SH3GL2: variants seen among roughly 807,000 people sequenced by gnomAD.
The protein encoded by SH3GL2 is SH3 domain containing GRB2 like 2, endophilin A1, also known as endophilin-A1.
In SH3GL2, 24 loss-of-function variants were observed where a neutral mutation model predicts 46.0. That is an observed-to-expected ratio of 0.52 (90% confidence interval 0.38 to 0.73). The LOEUF is 0.73. Ranked by LOEUF, SH3GL2 falls within the 30% of genes least tolerant of loss-of-function variation. SH3GL2 has a pLI of 0.00. For missense variants in SH3GL2, 413 were observed against 424.2 expected (o/e 0.97, Z 0.23); for synonymous variants, 196 against 147.1 (o/e 1.33, Z -2.40).
rs370413494 is a variant in SH3GL2 at position 17,741,859 on chromosome 9, C to T, written c.46-5207C>T. Among the ~76,000 whole-genome samples the T allele has an allele frequency of 9.6e-4, 146 of 152,100 alleles. 1 individual carries two copies. In the South Asian group the frequency reaches 0.029, roughly 30 times the overall value. On this transcript the variant is annotated intron_variant, in intron 1 of 8. Transcript: ENST00000380607. ...AACAGATGATGTCTCATTAAGAGTA[C>T]AGAGGAAGTCTGATAACTTCCAGCT...
At chr9:17,752,942 T>C (rs906723685) in intron 2 of SH3GL2, among the ~76,000 whole-genome samples, 6 of 152,306 alleles carry the variant, frequency 3.9e-5, no homozygotes, top group South Asian at 2.1e-4. Flanking sequence ...GTCCCACTTA[T>C]AAGTGAGAAC....
intron 1 of SH3GL2, among the ~76,000 whole-genome samples, chr9:17,685,117 A>G (rs1382936817): frequency 6.6e-6 from 1 of 152,092 alleles, no homozygotes; most frequent in Non-Finnish European, 1.5e-5. Flanking sequence ...AACCAGTGGA[A>G]TGGACAGGTG....
At position 17,715,502 on chromosome 9, in the gene SH3GL2, T is replaced by C. The variant is rs377344686; in HGVS notation, c.46-31564T>C. ...ATATCTCACTGATTATTTTCTTTCT[T>C]TTTTTGATTCATTTTCTCCATGTGT... On this transcript the variant is annotated intron_variant, in intron 1 of 8. Transcript: ENST00000380607. Among the ~76,000 whole-genome samples the C allele has an allele frequency of 7.2e-5, 11 of 152,034 alleles. No homozygotes were observed. The East Asian group carries it at 1.7e-3, about 24-fold the overall frequency.
At chr9:17,680,787 A>G (rs2118040727) in intron 1 of SH3GL2, among the ~76,000 whole-genome samples, 1 of 151,778 alleles carries the variant, frequency 6.6e-6, no homozygotes, top group Middle Eastern at 3.4e-3. Context: ...ATTTCCCTGT[A>G]CACACTGCTT....
At chr9:17,774,728 C>G (rs145803989) in intron 3 of SH3GL2, among the ~76,000 whole-genome samples, 1 of 152,148 alleles carries the variant, frequency 6.6e-6, no homozygotes, top group Non-Finnish European at 1.5e-5. Flanking sequence ...CAACAATGAT[C>G]GTAAGAGATA....
intron 1 of SH3GL2, among the ~76,000 whole-genome samples, chr9:17,625,914 C>T (rs1370068406): frequency 6.6e-6 from 1 of 152,224 alleles, no homozygotes; most frequent in Non-Finnish European, 1.5e-5. Flanking sequence ...ATGCTTACCT[C>T]AAGGCAATTA....
At chr9:17,733,043 T>C (rs897658300) in intron 1 of SH3GL2, among the ~76,000 whole-genome samples, 4 of 152,082 alleles carry the variant, frequency 2.6e-5, no homozygotes, top group Admixed American at 2.6e-4. Context: ...TTCCCCACTC[T>C]TCAGCACAAG....
chr9:17,646,948 G>A (rs1563796354), intron 1 of SH3GL2, among the ~76,000 whole-genome samples: 2 of 152,164 alleles, frequency 1.3e-5, no homozygotes, highest in Admixed American at 6.5e-5. Context: ...AGGCAGAGAC[G>A]TTTAAAACTG....
intron 1 of SH3GL2, among the ~76,000 whole-genome samples, chr9:17,683,838 G>A (rs1055976359): frequency 1.3e-5 from 2 of 152,170 alleles, no homozygotes; most frequent in Admixed American, 1.3e-4. Flanking sequence ...GAAGAACAGG[G>A]TGACGCCAAG....
At chr9:17,740,852 A>T (rs994962096) in intron 1 of SH3GL2, among the ~76,000 whole-genome samples, 6 of 152,154 alleles carry the variant, frequency 3.9e-5, no homozygotes, top group Non-Finnish European at 7.4e-5. Flanking sequence ...CTAAAAACAG[A>T]TCTAGTGTTA....
At chr9:17,794,085 C>T (rs1349878520) in intron 8 of SH3GL2, among the ~76,000 whole-genome samples, 1 of 152,202 alleles carries the variant, frequency 6.6e-6, no homozygotes, top group East Asian at 1.9e-4. Flanking sequence ...CATGCTGTGG[C>T]ACTGGGGTTG....
intron 1 of SH3GL2, among the ~76,000 whole-genome samples, chr9:17,741,854 G>C (rs1300281955): frequency 1.3e-5 from 2 of 152,126 alleles, no homozygotes; most frequent in Non-Finnish European, 2.9e-5. Context: ...GTCTCATTAA[G>C]AGTACAGAGG....
At chr9:17,641,261 T>A (rs576102988) in intron 1 of SH3GL2, among the ~76,000 whole-genome samples, 11 of 152,230 alleles carry the variant, frequency 7.2e-5, no homozygotes, top group African/African-American at 2.6e-4. Flanking sequence ...TCAGTTACCA[T>A]CTCCTCACTA....
In SH3GL2 at chr9:17,589,489, C is replaced by G. The variant is rs1198380740; in HGVS notation, c.45+10202C>G. The G allele has an allele frequency of 2.0e-5, 3 of 152,120 alleles. No individual in the cohort carries two copies. In the East Asian group the frequency reaches 5.8e-4, roughly 29 times the overall value. 9.4% of individuals were successfully genotyped at this position (152,120 alleles called of 1,614,324 possible). A position where few individuals can be genotyped will look rare whatever the true frequency, so the allele number is the denominator to read the frequency against. On this transcript the variant is annotated intron_variant, in intron 1 of 8. Coordinates refer to ENST00000380607, the MANE Select transcript of SH3GL2 (RefSeq NM_003026.5). ...GTGGCACCGTTAAGTACTTGCTGAG[C>G]AGTACCTTAGCCTGGTGGGCTGGTG...
intron 2 of SH3GL2, among the ~76,000 whole-genome samples, chr9:17,758,359 G>A (rs1270627354): frequency 2.6e-5 from 4 of 151,730 alleles, no homozygotes; most frequent in Non-Finnish European, 2.9e-5. Flanking sequence ...CCAGGAGTTC[G>A]AGACCAGCCT....
chr9:17,700,521 T>C (rs902677862), intron 1 of SH3GL2, among the ~76,000 whole-genome samples: 1 of 152,236 alleles, frequency 6.6e-6, no homozygotes, highest in Non-Finnish European at 1.5e-5. Context: ...CTGGAACTAA[T>C]TGCTGAATAT....
At chr9:17,713,766 T>C (rs1345640409) in intron 1 of SH3GL2, among the ~76,000 whole-genome samples, 1 of 151,744 alleles carries the variant, frequency 6.6e-6, no homozygotes, top group Non-Finnish European at 1.5e-5. Context: ...TTGAATCCTT[T>C]TAAATGTATT....
intron 1 of SH3GL2, among the ~76,000 whole-genome samples, chr9:17,665,217 A>G (rs944319495): frequency 1.3e-5 from 2 of 152,206 alleles, no homozygotes; most frequent in Non-Finnish European, 2.9e-5. Flanking sequence ...ACCATAGTAC[A>G]GTGATAAGAA....
chr9:17,614,295 G>GAAAAAAAAAAAAAAA lies in SH3GL2; in HGVS notation c.45+35022_45+35036dup, dbSNP rs3084628. 1.1e-4 allele frequency among the ~76,000 whole-genome samples: 8 copies of GAAAAAAAAAAAAAAA among 70,300 alleles called. 1 individual carries two copies. Among genetic ancestry groups the GAAAAAAAAAAAAAAA allele is most frequent in the African/African-American group, 1.7e-4 (3 of 17,370 alleles). The allele number at this position is 70,300 out of a possible 152,430, so 46.1% of individuals were successfully genotyped here. A position where few individuals can be genotyped will look rare whatever the true frequency, so the allele number is the denominator to read the frequency against. On this transcript the variant is annotated intron_variant, in intron 1 of 8. Transcript: ENST00000380607. ...GTGACAGGGAACATGCATGGTTTCTGAAAAAAAAAAAAAAAAAAAAAAAAA... is the reference window on the plus strand; with the variant it reads ...GTGACAGGGAACATGCATGGTTTCTGAAAAAAAAAAAAAAAAAAAAAAAAAAAAAAAAAAAAAAAA...
Sources: allele counts gnomAD v4.1 joint callset (sites outside exome capture counted in the v4.1 genomes callset), GRCh38; gene constraint gnomAD v4.1.1; transcripts MANE v1.5; gene names NCBI Gene and HGNC (gene_info 2026-07-23, HGNC 2026-07-21).